The following CTNNA2 variants were observed in gnomAD, a reference collection of about 807,000 sequenced individuals.
CTNNA2 encodes the protein catenin alpha 2, also known as catenin alpha-2.
In CTNNA2, 42 loss-of-function variants were observed where a neutral mutation model predicts 101.0. The ratio of observed to expected loss-of-function variants is 0.42; its 90% CI spans 0.32 to 0.54. The LOEUF (loss-of-function observed/expected upper bound fraction) is 0.54. CTNNA2 is among the 20% of genes least tolerant of loss of function. CTNNA2 has a pLI of 0.14. For missense variants in CTNNA2, 871 were observed against 1,223.1 expected (o/e 0.71, Z 4.29); for synonymous variants, 450 against 456.4 (o/e 0.99, Z 0.18).
intron 9 of CTNNA2, among the ~76,000 whole-genome samples, chr2:80,457,157 G>A (rs931798980): frequency 7.9e-5 from 12 of 151,632 alleles, no homozygotes; most frequent in South Asian, 6.3e-4. Flanking sequence ...TCTGCCTCCC[G>A]GGTTCAAGTG....
chr2:80,393,359 A>G, intron 8 of CTNNA2, 68 bp downstream of exon 8: 2 of 1,144,274 alleles, frequency 1.7e-6, no homozygotes, highest in Non-Finnish European at 2.6e-6. Context: ...ATCCTTTTCC[A>G]GGGTGTCTTC....
At chr2:79,457,075 G>A (rs1411790189) in intron 4 of CTNNA2, among the ~76,000 whole-genome samples, 2 of 151,752 alleles carry the variant, frequency 1.3e-5, no homozygotes, top group East Asian at 1.9e-4. Flanking sequence ...GGTGGCGGGC[G>A]CCTGTAGTCC....
chr2:79,259,601 G>C (rs1674893857), intron 2 of CTNNA2, among the ~76,000 whole-genome samples: 1 of 152,168 alleles, frequency 6.6e-6, no homozygotes, highest in Non-Finnish European at 1.5e-5. Context: ...GCAGGAGATA[G>C]GGTACAGGAC....
intron 4 of CTNNA2, among the ~76,000 whole-genome samples, chr2:79,426,975 T>G (rs1023385778): frequency 6.6e-6 from 1 of 152,134 alleles, no homozygotes; most frequent in African/African-American, 2.4e-5. Flanking sequence ...TTCATTTAGC[T>G]GCATGTGATG....
At chr2:80,036,989 T>A (rs187490755) in intron 7 of CTNNA2, among the ~76,000 whole-genome samples, 2 of 152,260 alleles carry the variant, frequency 1.3e-5, no homozygotes, top group Admixed American at 1.3e-4. Context: ...CATATAGATA[T>A]TGGAAAGTTT....
At chr2:80,041,303 A>C (rs1308872492) in intron 7 of CTNNA2, among the ~76,000 whole-genome samples, 1 of 151,830 alleles carries the variant, frequency 6.6e-6, no homozygotes, top group East Asian at 1.9e-4. Flanking sequence ...TACATGGAAT[A>C]TTTCCAAGTT....
rs1268707704 is a variant in CTNNA2 at position 80,633,829 on chromosome 2, T to C, written c.2575-13756T>C. Among the ~76,000 whole-genome samples the C allele has an allele frequency of 2.0e-5, 3 of 152,170 alleles. No individual in the cohort carries two copies. The East Asian group carries it at 5.8e-4, about 29-fold the overall frequency. ...ATGCTGGTGCTATTAATGGAGGAGATGGTTTTTAAATTGTGGCTGTCTTTT... is the reference window on the plus strand; with the variant it reads ...ATGCTGGTGCTATTAATGGAGGAGACGGTTTTTAAATTGTGGCTGTCTTTT... On this transcript the variant is annotated intron_variant, in intron 18 of 18. Coordinates refer to ENST00000402739, the MANE Select transcript of CTNNA2 (RefSeq NM_001282597.3).
At chr2:79,508,955 GTATATATATATATATATATATATATATA>G (rs530470576), upstream of CTNNA2, among the ~76,000 whole-genome samples, 1,355 of 90,968 alleles carry the variant, frequency 0.015, 61 homozygotes, top group Middle Eastern at 0.053. Flanking sequence ...CACCATTGCA[GTATATATATATATATATATATATATATA>G]TATATATATA....
chr2:79,942,775 C>T (rs1688242804), intron 7 of CTNNA2, among the ~76,000 whole-genome samples: 1 of 152,038 alleles, frequency 6.6e-6, no homozygotes, highest in Admixed American at 6.5e-5. Context: ...TTGTGTTCTA[C>T]AAAAATTTTC....
chr2:79,932,346 G>A (rs951678913), intron 7 of CTNNA2, among the ~76,000 whole-genome samples: 15 of 152,148 alleles, frequency 9.9e-5, no homozygotes, highest in Admixed American at 4.6e-4. Flanking sequence ...AAAGCTAACT[G>A]TGTGATGGAG....
chr2:80,551,493 CTAGATCTTTAGGA>C (rs1314599870), intron 11 of CTNNA2, among the ~76,000 whole-genome samples: 2 of 152,218 alleles, frequency 1.3e-5, no homozygotes, highest in Non-Finnish European at 2.9e-5. Context: ...ATGATCTTAG[CTAGATCTTTAGGA>C]TAACTTGGCA....
chr2:79,647,471 G>A (rs1024528846), intron 1 of CTNNA2, among the ~76,000 whole-genome samples: 2 of 151,962 alleles, frequency 1.3e-5, no homozygotes, highest in Admixed American at 6.6e-5. Flanking sequence ...GCAGGCAATT[G>A]AACAGTATCA....
At chr2:79,538,057 A>G (rs747283912) in intron 1 of CTNNA2, among the ~76,000 whole-genome samples, 3 of 152,160 alleles carry the variant, frequency 2.0e-5, no homozygotes, top group Non-Finnish European at 4.4e-5. Flanking sequence ...CATTCACTCA[A>G]TGTAGAGGAG....
At chr2:79,964,779 G>A (rs1241679140) in intron 7 of CTNNA2, among the ~76,000 whole-genome samples, 1 of 151,920 alleles carries the variant, frequency 6.6e-6, no homozygotes, top group Non-Finnish European at 1.5e-5. Flanking sequence ...CACCCCTCCA[G>A]CCTCGTTGCT....
intron 7 of CTNNA2, among the ~76,000 whole-genome samples, chr2:80,391,337 A>G (rs978820758): frequency 3.1e-4 from 47 of 152,208 alleles, no homozygotes; most frequent in African/African-American, 1.1e-3. Flanking sequence ...AGGATGGAAT[A>G]AGCCCAGAGT....
chr2:80,569,621 T>C (rs1387608506), intron 12 of CTNNA2, among the ~76,000 whole-genome samples: 1 of 144,474 alleles, frequency 6.9e-6, no homozygotes, highest in Non-Finnish European at 1.5e-5. Context: ...GTATTACTTT[T>C]GGGGTATTTA....
At chr2:79,366,853 G>A (rs940698511) in intron 3 of CTNNA2, among the ~76,000 whole-genome samples, 1 of 152,164 alleles carries the variant, frequency 6.6e-6, no homozygotes, top group Non-Finnish European at 1.5e-5. Flanking sequence ...TAATTACTGT[G>A]AGAATAAGAA....
intron 7 of CTNNA2, among the ~76,000 whole-genome samples, chr2:79,950,007 TGAAAATGTACATGGAAAA>T (rs1276048481): frequency 6.6e-6 from 1 of 152,150 alleles, no homozygotes; most frequent in Non-Finnish European, 1.5e-5. Flanking sequence ...GTTATGTGAC[TGAAAATGTACATGGAAAA>T]GAAAATGTAT....
intron 4 of CTNNA2, among the ~76,000 whole-genome samples, chr2:79,455,090 G>C (rs1002917024): frequency 6.6e-6 from 1 of 152,064 alleles, no homozygotes; most frequent in African/African-American, 2.4e-5. Flanking sequence ...AAAAATAAAG[G>C]GGGTGTCTGG....
Sources: gnomAD v4.1 joint callset for allele counts (sites outside exome capture counted in the v4.1 genomes callset) on GRCh38, gnomAD v4.1.1 for gene constraint, MANE v1.5 for transcripts, NCBI Gene and HGNC (gene_info 2026-07-23, HGNC 2026-07-21) for gene names.